The following HLCS variants were observed in gnomAD, a reference collection of about 807,000 sequenced individuals.
HLCS encodes biotin--protein ligase.
In HLCS, 53 loss-of-function variants were observed where a neutral mutation model predicts 75.0. The observed-to-expected ratio is 0.71, with a 90% confidence interval of 0.57 to 0.89. The LOEUF (loss-of-function observed/expected upper bound fraction) is 0.89. Ranked by LOEUF, HLCS falls within the 40% of genes least tolerant of loss-of-function variation. HLCS has a pLI of 0.00. For missense variants in HLCS, 966 were observed against 1,074.0 expected, an observed-to-expected ratio of 0.90 and a Z score of 1.41; for synonymous variants, 431 against 428.6, an observed-to-expected ratio of 1.01 and a Z score of -0.07.
rs2089449071 is a variant in HLCS, at chr21:36,753,740, C to T, written c.*506G>A. The T allele has an allele frequency of 5.8e-6, 1 of 173,154 alleles. No individual in the cohort carries two copies. Among genetic ancestry groups the T allele is most frequent in the Non-Finnish European group, 1.2e-5 (1 of 80,522 alleles). The allele number at this position is 173,154 out of a possible 1,614,324, so 10.7% of individuals were successfully genotyped here. On this transcript the variant is annotated 3_prime_UTR_variant, in exon 11 of 11. Coordinates refer to ENST00000674895, the MANE Select transcript of HLCS (RefSeq NM_001352514.2). The surrounding 1 kb of genome is among the most constrained non-coding windows in gnomAD (Gnocchi z 4.3). ...TTGGAAGTCTGTCTTCCCTTTTCTT[C>T]ATTAATAAAAACACAGAACAATGAC...
At chr21:36,770,961 T>G (rs1353980808) in intron 6 of HLCS, among the ~76,000 whole-genome samples, 1 of 152,206 alleles carries the variant, frequency 6.6e-6, no homozygotes, top group Admixed American at 6.5e-5. Flanking sequence ...GGTTCCCGCC[T>G]GTAATCCCAG....
At position 36,868,274 on chromosome 21, in the gene HLCS, G is replaced by GGAAAGAAAGAAAGAAA. The variant is rs140104266; in HGVS notation, c.1892+28570_1892+28585dup. ...AAGAAAGAGAGAAGGAAGGAAGGAAGGAAAGAAAGAAAGAAAGAAAAAGAA... is the reference window on the plus strand; with the variant it reads ...AAGAAAGAGAGAAGGAAGGAAGGAAGGAAAGAAAGAAAGAAAGAAAGAAAGAAAGAAAGAAAAAGAA... On this transcript the variant is annotated intron_variant, in intron 6 of 10. Coordinates refer to ENST00000674895, the MANE Select transcript of HLCS (RefSeq NM_001352514.2). 1.9e-3 allele frequency among the ~76,000 whole-genome samples: 251 copies of GGAAAGAAAGAAAGAAA among 135,418 alleles called. 3 individuals are homozygous for GGAAAGAAAGAAAGAAA. The highest frequency in any genetic ancestry group is 5.9e-3 in the African/African-American group (191 of 32,182). 88.8% of individuals were successfully genotyped at this position (135,418 alleles called of 152,430 possible).
intron 1 of HLCS, chr21:36,980,492 A>G (rs1240902848): frequency 1.3e-5 from 2 of 152,202 alleles, no homozygotes; most frequent in Non-Finnish European, 2.9e-5. Flanking sequence ...TGGGGAATAA[A>G]AAGCAGGATC....
At position 36,755,136 on chromosome 21, in the gene HLCS, T is replaced by G. The variant is rs1416145306; in HGVS notation, c.2451-719A>C. 1.0e-3 allele frequency among the ~76,000 whole-genome samples: 155 copies of G among 152,232 alleles called. 1 individual carries two copies. The highest frequency in any genetic ancestry group is 1.1e-3 in the Non-Finnish European group (72 of 68,006). On this transcript the variant is annotated intron_variant, in intron 10 of 10. Transcript: ENST00000674895. ...TTGCAGCTGGGTGTGGTAGCTCATGTTTGTAACCTTAGCACTTTGGGAGGC... is the reference window on the plus strand; with the variant it reads ...TTGCAGCTGGGTGTGGTAGCTCATGGTTGTAACCTTAGCACTTTGGGAGGC...
At chr21:36,915,913 G>A (rs2065908828) in intron 5 of HLCS, among the ~76,000 whole-genome samples, 1 of 151,982 alleles carries the variant, frequency 6.6e-6, no homozygotes, top group Admixed American at 6.5e-5. Flanking sequence ...TCGGTGCACA[G>A]GAGCCAAGGA....
chr21:36,937,000 C>T lies in HLCS; in HGVS notation c.886G>A (p.Glu296Lys), dbSNP rs760029192. Residue 296 changes from glutamate to lysine, a missense_variant, in exon 4 of 11, where the codon GAA becomes AAA. Coordinates refer to ENST00000674895, the MANE Select transcript of HLCS (RefSeq NM_001352514.2). Reference protein sequence around the residue: ...LESVADETSPEREGRRVNLTG... With the variant: ...LESVADETSPKREGRRVNLTG... ...AGGTTGACTCTCCTCCCTTCTCTTTCGGGGGAGGTCTCATCAGCAACACTC... is the reference window on the plus strand; with the variant it reads ...AGGTTGACTCTCCTCCCTTCTCTTTTGGGGGAGGTCTCATCAGCAACACTC... 21 of 1,613,978 alleles carry T rather than the reference C, an allele frequency of 1.3e-5. No individual in the cohort carries two copies. The highest frequency in any genetic ancestry group is 1.7e-5 in the Admixed American group (1 of 59,988).
Position 36,764,496 on chromosome 21 carries a change from G to T in HLCS, c.2121+516C>A, listed in dbSNP as rs563229112. 2.0e-5 allele frequency among the ~76,000 whole-genome samples: 3 copies of T among 152,214 alleles called. No homozygotes were observed. The South Asian group carries it at 6.2e-4, about 32-fold the overall frequency. On this transcript the variant is annotated intron_variant, in intron 8 of 10. Coordinates refer to ENST00000674895, the MANE Select transcript of HLCS (RefSeq NM_001352514.2). ...AAGCAGGCAGACTGCTTGAGCTCAGGACTTCAAGACCAGCCTGGGCCACAT... is the reference window on the plus strand; with the variant it reads ...AAGCAGGCAGACTGCTTGAGCTCAGTACTTCAAGACCAGCCTGGGCCACAT...
chr21:36,952,002 AG>A (rs1458684230), intron 2 of HLCS, among the ~76,000 whole-genome samples: 1 of 152,268 alleles, frequency 6.6e-6, no homozygotes, highest in Non-Finnish European at 1.5e-5. Flanking sequence ...GAATTACCAC[AG>A]ATCAAAGCCA....
chr21:36,966,424 C>G lies in HLCS; in HGVS notation c.195+20G>C. The G allele has an allele frequency of 1.3e-5, 6 of 461,712 alleles. No homozygotes were observed. Among genetic ancestry groups the G allele is most frequent in the South Asian group, 9.0e-5 (1 of 11,062 alleles). 28.6% of individuals were successfully genotyped at this position (461,712 alleles called of 1,614,324 possible). A position where few individuals can be genotyped will look rare whatever the true frequency, so the allele number is the denominator to read the frequency against. ...TCCGGCTCGCGGGGCCCGGGTCGCC[C>G]GCCCGCCCGACCCGCCCACCTGGCT... On this transcript the variant is annotated intron_variant, in intron 1 of 10. Coordinates refer to ENST00000674895, the MANE Select transcript of HLCS (RefSeq NM_001352514.2).
At chr21:36,912,216 C>T (rs2065748724) in intron 5 of HLCS, among the ~76,000 whole-genome samples, 1 of 151,668 alleles carries the variant, frequency 6.6e-6, no homozygotes, top group African/African-American at 2.4e-5. Flanking sequence ...ACAGCCAAGG[C>T]TGGAAATAAC....
intron 3 of HLCS, among the ~76,000 whole-genome samples, chr21:36,938,545 A>G (rs2066996812): frequency 6.6e-6 from 1 of 152,164 alleles, no homozygotes; most frequent in Non-Finnish European, 1.5e-5. Context: ...TGTCACCCAC[A>G]TGGGAATGCA....
chr21:36,784,990 C>G (rs1258376363), intron 6 of HLCS, among the ~76,000 whole-genome samples: 1 of 152,128 alleles, frequency 6.6e-6, no homozygotes, highest in Non-Finnish European at 1.5e-5. Flanking sequence ...CTGAAGGTAA[C>G]GAATTCCTTC....
At chr21:36,800,160 A>C (rs2061154466) in intron 6 of HLCS, among the ~76,000 whole-genome samples, 1 of 152,022 alleles carries the variant, frequency 6.6e-6, no homozygotes, top group Admixed American at 6.6e-5. Flanking sequence ...GCTTGACCCC[A>C]CCACTCCATC....
rs761549990 is a variant in HLCS at position 36,793,295 on chromosome 21, C to CTTTT, written c.1893-26014_1893-26011dup. ...AGAACACGGGACAGCAGGAAGCAGT[C>CTTTT]TTTTTTTTTTTTTTTTTTGAGATAG... On this transcript the variant is annotated intron_variant, in intron 6 of 10. Transcript: ENST00000674895. 8.6e-5 allele frequency among the ~76,000 whole-genome samples: 10 copies of CTTTT among 116,252 alleles called. No individual in the cohort carries two copies. The South Asian group carries it at 1.1e-3, about 13-fold the overall frequency. 76.3% of individuals were successfully genotyped at this position (116,252 alleles called of 152,430 possible).
intron 2 of HLCS, chr21:36,943,817 T>TA (rs5843782): frequency 0.042 from 5,991 of 141,832 alleles, 268 homozygotes; most frequent in African/African-American, 0.12. Context: ...AGACCCTGTC[T>TA]AAAAAAAAAA....
At chr21:36,878,428 C>T (rs2064070743) in intron 6 of HLCS, among the ~76,000 whole-genome samples, 1 of 152,100 alleles carries the variant, frequency 6.6e-6, no homozygotes, top group Non-Finnish European at 1.5e-5. Context: ...TTGTACTAAC[C>T]AGAGATATTC....
intron 6 of HLCS, chr21:36,851,908 G>A (rs1429092326): frequency 6.6e-6 from 1 of 152,278 alleles, no homozygotes; most frequent in East Asian, 1.9e-4. Context: ...TAGAAAAACA[G>A]TAGTCTATGG....
At chr21:36,850,066 C>G (rs2062936675) in intron 6 of HLCS, among the ~76,000 whole-genome samples, 1 of 152,170 alleles carries the variant, frequency 6.6e-6, no homozygotes, top group South Asian at 2.1e-4. Context: ...GAGGTGAAGG[C>G]AGAGAGCAGA....
chr21:36,811,206 G>T (rs1305367194), intron 6 of HLCS, among the ~76,000 whole-genome samples: 1 of 152,080 alleles, frequency 6.6e-6, no homozygotes, highest in African/African-American at 2.4e-5. Flanking sequence ...GACTGATAAC[G>T]TATCTATTCC....
Sources: allele counts gnomAD v4.1 joint callset (sites outside exome capture counted in the v4.1 genomes callset), GRCh38; gene constraint gnomAD v4.1.1; non-coding constraint Gnocchi (gnomAD v3.1); transcripts MANE v1.5; gene names NCBI Gene and HGNC (gene_info 2026-07-23, HGNC 2026-07-21).